USP13: variants seen among roughly 807,000 people sequenced by gnomAD.
USP13 encodes ubiquitin specific peptidase 13, also known as ubiquitin carboxyl-terminal hydrolase 13.
Under a neutral mutation model 107.8 loss-of-function variants are expected in USP13, and 68 were observed. That is an observed-to-expected ratio of 0.63 (90% CI 0.52 to 0.77). The LOEUF (loss-of-function observed/expected upper bound fraction) is 0.77. Ranked by LOEUF, USP13 falls within the 30% of genes least tolerant of loss-of-function variation. The probability of loss-of-function intolerance (pLI) is 0.00; values close to 1 mark genes in which losing one functional copy is unlikely to be tolerated. For synonymous variants in USP13, 377 were observed against 389.5 expected, an observed-to-expected ratio of 0.97 and a Z score of 0.38; for missense variants, 945 against 1,093.3, an observed-to-expected ratio of 0.86 and a Z score of 1.91.
intron 1 of USP13, among the ~76,000 whole-genome samples, chr3:179,674,565 T>C (rs565952306): frequency 6.6e-6 from 1 of 152,330 alleles, no homozygotes; most frequent in South Asian, 2.1e-4. Flanking sequence ...TTTGGGGCCA[T>C]TGCTACATTA....
intron 6 of USP13, among the ~76,000 whole-genome samples, chr3:179,719,378 A>G (rs1713224448): frequency 6.6e-6 from 1 of 152,092 alleles, no homozygotes. Flanking sequence ...TGTGGACCTG[A>G]AGGTAGGAAA....
chr3:179,752,213 G>T (rs1319428295), intron 13 of USP13, 72 bp from the exon 14 acceptor site: 1 of 1,392,906 alleles, frequency 7.2e-7, no homozygotes, highest in Non-Finnish European at 1.0e-6. Context: ...AGACAAAGTT[G>T]ATATGCTTTT....
At position 179,728,982 on chromosome 3, in the gene USP13, A is replaced by G. The variant is rs62290419; in HGVS notation, c.1089-1207A>G. On this transcript the variant is annotated intron_variant, in intron 8 of 20. Coordinates refer to ENST00000263966, the MANE Select transcript of USP13 (RefSeq NM_003940.3). Reference sequence around the variant, plus strand: ...GGGAGACCGTGGGGAGACGGAGAGGAAGAGGGAGAGGGAGAGGGAGAGCCA... The same window carrying G: ...GGGAGACCGTGGGGAGACGGAGAGGGAGAGGGAGAGGGAGAGGGAGAGCCA... Among the ~76,000 whole-genome samples the G allele has an allele frequency of 4.4e-3, 665 of 150,090 alleles. 6 individuals are homozygous for G. Among genetic ancestry groups the G allele is most frequent in the African/African-American group, 0.015 (609 of 40,894 alleles).
chr3:179,693,891 C>T (rs1712195841), intron 3 of USP13, among the ~76,000 whole-genome samples: 1 of 151,296 alleles, frequency 6.6e-6, no homozygotes, highest in Non-Finnish European at 1.5e-5. Context: ...GTTGGTCAGG[C>T]TGGTCTCGAA....
chr3:179,757,679 A>G (rs1714853846), intron 16 of USP13, among the ~76,000 whole-genome samples: 1 of 152,278 alleles, frequency 6.6e-6, no homozygotes, highest in Admixed American at 6.5e-5. Context: ...ATTTAACACT[A>G]GATACTCTAA....
intron 19 of USP13, among the ~76,000 whole-genome samples, chr3:179,780,307 G>A (rs1347524685): frequency 6.6e-6 from 1 of 152,134 alleles, no homozygotes; most frequent in African/African-American, 2.4e-5. Flanking sequence ...ATTTGCAGAT[G>A]ACATAATCTC....
At position 179,721,269 on chromosome 3, in the gene USP13, ATTGT is replaced by A; in HGVS notation, c.901-130_901-127del. On this transcript the variant is annotated intron_variant, in intron 7 of 20. Coordinates refer to ENST00000263966, the MANE Select transcript of USP13 (RefSeq NM_003940.3). This position sits in a 1 kb window ranked among gnomAD's most constrained non-coding sequence, Gnocchi z 4.3. ...CCGTCTCTCAGTCTTTTTTATTTGC[ATTGT>A]TTATTTCTCTATGTAATTGGGGAAA... is the stretch of plus-strand genomic sequence containing the variant. The A allele has an allele frequency of 1.1e-6, 1 of 902,786 alleles. No homozygotes were observed. The highest frequency in any genetic ancestry group is 1.6e-6 in the Non-Finnish European group (1 of 606,992). The allele number at this position is 902,786 out of a possible 1,614,324, so 55.9% of individuals were successfully genotyped here. A position where few individuals can be genotyped will look rare whatever the true frequency, so the allele number is the denominator to read the frequency against.
rs1411551063 is a variant in USP13 at position 179,786,146 on chromosome 3, T to C, written c.*2005T>C. On this transcript the variant is annotated 3_prime_UTR_variant, in exon 21 of 21. Transcript: ENST00000263966. ...TTCCTAAAGCAGTCCCACTCTGTTA[T>C]GAGAGTCACTGACTCCCGTGGACAT... The C allele has an allele frequency of 1.3e-5, 2 of 152,218 alleles. No individual in the cohort carries two copies. The highest frequency in any genetic ancestry group is 2.4e-5 in the African/African-American group (1 of 41,452). The allele number at this position is 152,218 out of a possible 1,614,324, so 9.4% of individuals were successfully genotyped here. A position where few individuals can be genotyped will look rare whatever the true frequency, so the allele number is the denominator to read the frequency against.
intron 10 of USP13, among the ~76,000 whole-genome samples, chr3:179,737,957 C>A (rs1438202146): frequency 1.3e-5 from 2 of 152,188 alleles, no homozygotes; most frequent in African/African-American, 4.8e-5. Context: ...GAAAACACTG[C>A]ATAGAACATG....
At chr3:179,752,195 T>C (rs1347103607) in intron 13 of USP13, 90 bp from the exon 14 acceptor site, 3 of 1,134,398 alleles carry the variant, frequency 2.6e-6, no homozygotes, top group Non-Finnish European at 3.9e-6. Context: ...AATGGCCAGG[T>C]GTGCCTCAGA....
chr3:179,716,451 T>A (rs907849470), intron 6 of USP13, among the ~76,000 whole-genome samples: 3 of 152,240 alleles, frequency 2.0e-5, no homozygotes, highest in African/African-American at 7.2e-5. Flanking sequence ...GGGCAGGGAC[T>A]CTGCATATCT....
chr3:179,682,092 C>A, intron 2 of USP13, 89 bp downstream of exon 2: 1 of 1,470,836 alleles, frequency 6.8e-7, no homozygotes, highest in Non-Finnish European at 9.1e-7. Flanking sequence ...TTTGACCATG[C>A]CCACATAACT....
intron 8 of USP13, among the ~76,000 whole-genome samples, chr3:179,725,270 T>A (rs1244649285): frequency 6.6e-6 from 1 of 152,136 alleles, no homozygotes; most frequent in Non-Finnish European, 1.5e-5. Context: ...AGCATAAGCC[T>A]ATTCATTAGT....
At chr3:179,726,230 G>A (rs1322955216) in intron 8 of USP13, among the ~76,000 whole-genome samples, 5 of 152,264 alleles carry the variant, frequency 3.3e-5, no homozygotes, top group Admixed American at 2.6e-4. Context: ...GACAGCAGAA[G>A]GCATGACCTT....
At chr3:179,733,633 A>C (rs1353371083) in intron 10 of USP13, among the ~76,000 whole-genome samples, 4 of 152,226 alleles carry the variant, frequency 2.6e-5, no homozygotes, top group African/African-American at 9.6e-5. Flanking sequence ...AGAGAGGGAA[A>C]GAAGATTCAC....
At chr3:179,684,603 G>C (rs1161093399) in intron 2 of USP13, among the ~76,000 whole-genome samples, 1 of 152,176 alleles carries the variant, frequency 6.6e-6, no homozygotes, top group African/African-American at 2.4e-5. Flanking sequence ...GATTACAGCT[G>C]AGAGCCACTG....
chr3:179,759,466 T>C (rs1218946356), intron 16 of USP13, among the ~76,000 whole-genome samples: 2 of 152,236 alleles, frequency 1.3e-5, no homozygotes, highest in African/African-American at 2.4e-5. Flanking sequence ...ATGCACATCA[T>C]GAATTTCTAA....
intron 10 of USP13, among the ~76,000 whole-genome samples, chr3:179,737,370 T>G (rs552914092): frequency 1.3e-5 from 2 of 152,328 alleles, no homozygotes; most frequent in South Asian, 4.1e-4. Flanking sequence ...TTAAGAACTG[T>G]GCCTGGCACG....
chr3:179,729,008 A>AT (rs1404126863), intron 8 of USP13, among the ~76,000 whole-genome samples: 2 of 107,436 alleles, frequency 1.9e-5, no homozygotes, highest in Non-Finnish European at 4.2e-5. Flanking sequence ...GGGAGAGCCA[A>AT]TTTTTAATGT....
Sources: allele counts gnomAD v4.1 joint callset (sites outside exome capture counted in the v4.1 genomes callset), GRCh38; gene constraint gnomAD v4.1.1; non-coding constraint Gnocchi (gnomAD v3.1); transcripts MANE v1.5; gene names NCBI Gene and HGNC (gene_info 2026-07-23, HGNC 2026-07-21).